Variants in RBIS observed in about 807,000 individuals in gnomAD.
RBIS encodes ribosome biogenesis factor identified in screen.
A neutral mutation model predicts 9.8 loss-of-function variants in RBIS; 9 were observed. That is an observed-to-expected ratio of 0.92 (90% confidence interval 0.56 to 1.61). The LOEUF is 1.61. Ranked by LOEUF, RBIS falls within the 40% of genes most tolerant of loss-of-function variation. The pLI is 0.00. For synonymous variants in RBIS, 35 were observed against 37.9 expected (o/e 0.92, Z 0.28); for missense variants, 103 against 116.0 (o/e 0.89, Z 0.51).
At chr8:85,217,062 T>A in intron 2 of RBIS, 1 of 485,150 alleles carries the variant, frequency 2.1e-6, no homozygotes, top group Non-Finnish European at 3.6e-6. Flanking sequence ...ATTAATACAT[T>A]CTTACATTTG....
rs1211925557 is a variant in RBIS at position 85,214,581 on chromosome 8, T to C, written c.282A>G (p.Thr94=). The C allele has an allele frequency of 6.3e-7, 1 of 1,577,608 alleles. No homozygotes were observed. The highest frequency in any genetic ancestry group is 1.7e-5 in the Admixed American group (1 of 59,796). ...ESKPVNVDEA[T]RLMALL is the part of the protein sequence containing the mutation. The stretch of plus-strand genomic sequence containing the variant: ...TATATTACAACAGAGCCATTAATCT[T>C]GTAGCTTCATCAACATTAACTGGTT... Residue 94 remains threonine, a synonymous_variant, in exon 4 of 4, where the codon ACA becomes ACG. Coordinates refer to ENST00000619594, the MANE Select transcript of RBIS (RefSeq NM_001099673.3).
chr8:85,214,775 G>A, intron 3 of RBIS, 144 bp from the exon 4 acceptor site: 1 of 742,954 alleles, frequency 1.3e-6, no homozygotes, highest in South Asian at 1.6e-5. Context: ...TTTAGAGTCT[G>A]AATATGCTAT....
chr8:85,217,278 G>A, intron 2 of RBIS, 108 bp downstream of exon 2: 1 of 754,786 alleles, frequency 1.3e-6, no homozygotes, highest in Non-Finnish European at 2.4e-6. Flanking sequence ...TACCTTTCTA[G>A]GAAAAATGAA....
At chr8:85,214,724 A>G (rs1186460912) in intron 3 of RBIS, 93 bp from the exon 4 acceptor site, 4 of 889,326 alleles carry the variant, frequency 4.5e-6, no homozygotes, top group African/African-American at 3.3e-5. Flanking sequence ...TTTTCTAGTC[A>G]TATCTTTGGA....
intron 2 of RBIS, 84 bp from the exon 3 acceptor site, chr8:85,215,121 A>G (rs1222485040): frequency 1.9e-6 from 1 of 519,186 alleles, no homozygotes; most frequent in Non-Finnish European, 3.3e-6. Flanking sequence ...GTTAAATCTA[A>G]AATCTAAAAA....
At chr8:85,215,174 T>A (rs562317597) in intron 2 of RBIS, 137 bp from the exon 3 acceptor site, 1 of 457,404 alleles carries the variant, frequency 2.2e-6, no homozygotes, top group African/African-American at 2.0e-5. Flanking sequence ...AAAATTCTTA[T>A]AGTCTTATTG....
intron 2 of RBIS, 160 bp downstream of exon 2, chr8:85,217,226 T>C (rs974716405): frequency 3.1e-6 from 2 of 644,178 alleles, no homozygotes; most frequent in East Asian, 5.6e-5. Flanking sequence ...TTTTTCTTCC[T>C]TTTTTTTTAT....
chr8:85,215,900 G>A (rs1325830579), intron 2 of RBIS: 1 of 152,214 alleles, frequency 6.6e-6, no homozygotes, highest in African/African-American at 2.4e-5. Context: ...AAGTTGGGGA[G>A]AGGCTTAGGA....
intron 1 of RBIS, among the ~76,000 whole-genome samples, chr8:85,219,943 T>C (rs146992310): frequency 3.9e-5 from 6 of 152,148 alleles, no homozygotes; most frequent in African/African-American, 1.4e-4. Context: ...ACACTACCTA[T>C]AATATACACA....
intron 1 of RBIS, 155 bp from the exon 2 acceptor site, chr8:85,217,657 CTAG>C (rs1457496456): frequency 4.8e-5 from 29 of 608,898 alleles, no homozygotes; most frequent in Admixed American, 3.3e-4. Context: ...TCTTTCACTC[CTAG>C]TAGATTTTCT....
intron 2 of RBIS, 139 bp downstream of exon 2, chr8:85,217,247 A>G: frequency 1.5e-6 from 1 of 685,294 alleles, no homozygotes; most frequent in Non-Finnish European, 2.6e-6. Flanking sequence ...ATTTTTTTAG[A>G]CAAATGCTTG....
At chr8:85,217,225 C>T (rs563435584) in intron 2 of RBIS, 161 bp downstream of exon 2, 5 of 654,870 alleles carry the variant, frequency 7.6e-6, no homozygotes, top group East Asian at 2.8e-5. Flanking sequence ...ATTTTTCTTC[C>T]TTTTTTTTTA....
intron 1 of RBIS, among the ~76,000 whole-genome samples, chr8:85,219,665 G>A (rs1813287239): frequency 6.6e-6 from 1 of 152,080 alleles, no homozygotes. Context: ...ACACGAGGAG[G>A]CGGAGGTTGC....
intron 2 of RBIS, chr8:85,215,739 T>C (rs1373244628): frequency 6.6e-6 from 1 of 152,262 alleles, no homozygotes; most frequent in Non-Finnish European, 1.5e-5. Context: ...TGTAATATCC[T>C]TTATAATAAA....
At chr8:85,218,724 C>T (rs1457277266) in intron 1 of RBIS, 2 of 152,230 alleles carry the variant, frequency 1.3e-5, no homozygotes, top group East Asian at 1.9e-4. Flanking sequence ...CCCAGCTACT[C>T]GGGAGACTGA....
intron 2 of RBIS, 179 bp downstream of exon 2, chr8:85,217,207 G>C: frequency 1.5e-6 from 1 of 657,516 alleles, no homozygotes; most frequent in South Asian, 1.7e-5. Flanking sequence ...TTTCAAGAAA[G>C]GGAGGTTATT....
At chr8:85,219,552 C>A (rs1813281832) in intron 1 of RBIS, among the ~76,000 whole-genome samples, 1 of 151,940 alleles carries the variant, frequency 6.6e-6, no homozygotes, top group African/African-American at 2.4e-5. Context: ...GAGTTCGAGA[C>A]CACCCTGGCC....
chr8:85,214,689 T>C, intron 3 of RBIS, 58 bp from the exon 4 acceptor site: 1 of 1,051,160 alleles, frequency 9.5e-7, no homozygotes, highest in Non-Finnish European at 1.5e-6. Context: ...ACAAATGACT[T>C]ATATAAGCTG....
chr8:85,217,227 T>C, intron 2 of RBIS, 159 bp downstream of exon 2: 2 of 667,516 alleles, frequency 3.0e-6, no homozygotes, highest in South Asian at 3.3e-5. Flanking sequence ...TTTTCTTCCT[T>C]TTTTTTTATA....
Sources: allele counts gnomAD v4.1 joint callset (sites outside exome capture counted in the v4.1 genomes callset), GRCh38; gene constraint gnomAD v4.1.1; transcripts MANE v1.5; gene names NCBI Gene and HGNC (gene_info 2026-07-23, HGNC 2026-07-21).